Variants in OR1J2 observed in about 807,000 individuals in gnomAD.
OR1J2 encodes the protein olfactory receptor family 1 subfamily J member 2, also known as olfactory receptor 1J2.
For missense variants in OR1J2, 304 were observed against 246.1 expected (o/e 1.24, Z -1.57); for synonymous variants, 142 against 99.7 (o/e 1.42, Z -2.52).
chr9:122,465,351 C>T, the OR1J2 span, among the ~76,000 whole-genome samples: 2 of 152,250 alleles, frequency 1.3e-5, no homozygotes, highest in East Asian at 1.9e-4. Context: ...CTCTGCTCTT[C>T]GGGCTTTTCT....
At chr9:122,477,382 C>T in the OR1J2 span, 6 of 1,613,876 alleles carry the variant, frequency 3.7e-6, no homozygotes, top group Admixed American at 1.7e-5. Flanking sequence ...GAGCAGGGCA[C>T]CAAGGTCACA....
the OR1J2 span, chr9:122,553,039 T>C: frequency 2.8e-6 from 2 of 705,104 alleles, no homozygotes; most frequent in South Asian, 3.7e-5. Flanking sequence ...GGGTATTTCC[T>C]TGCATTCCCA....
the OR1J2 span, among the ~76,000 whole-genome samples, chr9:122,472,899 G>T: frequency 6.6e-6 from 1 of 152,138 alleles, no homozygotes; most frequent in African/African-American, 2.4e-5. Context: ...CTCCTGAGTG[G>T]ATCTGCACTC....
chr9:122,456,401 G>A, the OR1J2 span, among the ~76,000 whole-genome samples: 1 of 152,134 alleles, frequency 6.6e-6, no homozygotes, highest in African/African-American at 2.4e-5. Context: ...TGGAAGGAGT[G>A]CCCTAACACA....
At chr9:122,449,644 C>T in the OR1J2 span, among the ~76,000 whole-genome samples, 1 of 152,296 alleles carries the variant, frequency 6.6e-6, no homozygotes, top group Admixed American at 6.5e-5. Flanking sequence ...GCTGGGATTA[C>T]AGGCATGAGC....
the OR1J2 span, among the ~76,000 whole-genome samples, chr9:122,461,973 T>C: frequency 2.6e-5 from 4 of 152,176 alleles, no homozygotes; most frequent in Non-Finnish European, 5.9e-5. Context: ...GTTTTTTTGC[T>C]AACTTTCTGT....
the OR1J2 span, among the ~76,000 whole-genome samples, chr9:122,469,980 A>G: frequency 6.6e-6 from 1 of 152,216 alleles, no homozygotes. Flanking sequence ...TTTAAAAAGG[A>G]AGCAGAGCAT....
At chr9:122,455,052 A>G in the OR1J2 span, among the ~76,000 whole-genome samples, 54 of 152,284 alleles carry the variant, frequency 3.5e-4, no homozygotes, top group Admixed American at 3.1e-3. Flanking sequence ...CTAGTACTTC[A>G]TTCCTATTTA....
the OR1J2 span, among the ~76,000 whole-genome samples, chr9:122,574,376 GT>G: frequency 6.6e-6 from 1 of 151,996 alleles, no homozygotes; most frequent in Non-Finnish European, 1.5e-5. Flanking sequence ...TTTCATCATG[GT>G]TTTGTGGTAA....
At chr9:122,474,521 A>T in the OR1J2 span, among the ~76,000 whole-genome samples, 1 of 152,210 alleles carries the variant, frequency 6.6e-6, no homozygotes, top group African/African-American at 2.4e-5. Flanking sequence ...TTTAGAGAAA[A>T]ATCATTATCA....
chr9:122,492,493 G>T, the OR1J2 span, among the ~76,000 whole-genome samples: 2 of 152,026 alleles, frequency 1.3e-5, no homozygotes, highest in African/African-American at 4.8e-5. Context: ...AGAACAACTT[G>T]TTTTCCTTTG....
At chr9:122,534,014 C>T in the OR1J2 span, among the ~76,000 whole-genome samples, 1 of 152,142 alleles carries the variant, frequency 6.6e-6, no homozygotes. Flanking sequence ...TCAGTGGGGT[C>T]CAGCACAGAT....
chr9:122,574,135 A>G, the OR1J2 span, among the ~76,000 whole-genome samples: 2 of 152,104 alleles, frequency 1.3e-5, no homozygotes, highest in Non-Finnish European at 2.9e-5. Flanking sequence ...GAAGTCAGGT[A>G]GTGTCAGTCC....
the OR1J2 span, among the ~76,000 whole-genome samples, chr9:122,551,350 A>G: frequency 3.3e-5 from 5 of 152,146 alleles, no homozygotes; most frequent in Admixed American, 6.5e-5. Flanking sequence ...TTTTTTGAGC[A>G]GCTGCTTTGT....
Position 122,511,265 on chromosome 9 carries a change from G to A in OR1J2, c.464G>A (p.Ser155Asn), listed in dbSNP as rs147470130. The change falls in exon 1 of 1, where the codon AGC (serine) becomes AAC (asparagine). Residue 155 changes from serine to asparagine, a missense_variant. Ser to Asn is a conservative substitution (Grantham distance 46). Coordinates refer to ENST00000335302, the MANE Select transcript of OR1J2 (RefSeq NM_054107.1). Reference sequence around the variant, plus strand: ...GTATCTTGGATTCTGTCTTGTGCCAGCTCCCTCTCTCACACCCTTCTCCTG... The same window carrying A: ...GTATCTTGGATTCTGTCTTGTGCCAACTCCCTCTCTCACACCCTTCTCCTG... ...VAVSWILSCASSLSHTLLLTR... is the reference protein window; with the variant it reads ...VAVSWILSCANSLSHTLLLTR... The A allele has an allele frequency of 1.3e-6, 1 of 753,798 alleles. No individual in the cohort carries two copies. Among genetic ancestry groups the A allele is most frequent in the Non-Finnish European group, 2.5e-6 (1 of 406,394 alleles). 46.7% of individuals were successfully genotyped at this position (753,798 alleles called of 1,614,324 possible).
At chr9:122,459,685 T>TG in the OR1J2 span, among the ~76,000 whole-genome samples, 4 of 152,198 alleles carry the variant, frequency 2.6e-5, no homozygotes, top group African/African-American at 9.7e-5. Context: ...GTCAGAGAGA[T>TG]GTCAGTACTC....
the OR1J2 span, among the ~76,000 whole-genome samples, chr9:122,532,314 C>T: frequency 0.071 from 10,842 of 152,026 alleles, 565 homozygotes; most frequent in East Asian, 0.23. Flanking sequence ...TTCTAACAGG[C>T]GGGCTAGTGG....
the OR1J2 span, among the ~76,000 whole-genome samples, chr9:122,522,055 T>C: frequency 6.6e-6 from 1 of 152,242 alleles, no homozygotes; most frequent in Non-Finnish European, 1.5e-5. Context: ...GATTTGAATA[T>C]GCAAATAGAA....
upstream of OR1J2, among the ~76,000 whole-genome samples, chr9:122,506,901 C>A: frequency 6.6e-6 from 1 of 152,146 alleles, no homozygotes; most frequent in Non-Finnish European, 1.5e-5. Flanking sequence ...AAAACCAGAT[C>A]TGAACAGCAA....
Sources: gnomAD v4.1 joint callset for allele counts (sites outside exome capture counted in the v4.1 genomes callset) on GRCh38, gnomAD v4.1.1 for gene constraint, MANE v1.5 for transcripts, NCBI Gene and HGNC (gene_info 2026-07-23, HGNC 2026-07-21) for gene names.